The following NFATC1 variants were observed in gnomAD, a reference collection of about 807,000 sequenced individuals.
The protein encoded by NFATC1 is nuclear factor of activated T cells 1.
Under a neutral mutation model 76.0 loss-of-function variants are expected in NFATC1, and 22 were observed. The observed-to-expected ratio is 0.29, with a 90% CI of 0.21 to 0.41. NFATC1 has a LOEUF of 0.41. NFATC1 is among the 10% of genes least tolerant of loss of function. The probability of loss-of-function intolerance (pLI) is 1.00; values close to 1 mark genes in which losing one functional copy is unlikely to be tolerated. For synonymous variants in NFATC1, 704 were observed against 613.1 expected (o/e 1.15, Z -2.19); for missense variants, 1,357 against 1,337.7 (o/e 1.01, Z -0.23).
intron 2 of NFATC1, among the ~76,000 whole-genome samples, chr18:79,423,742 C>T (rs1013113066): frequency 3.9e-5 from 6 of 152,218 alleles, no homozygotes; most frequent in Non-Finnish European, 1.5e-5. Context: ...TCACCTGCTT[C>T]TCATCCACCG....
At chr18:79,418,302 A>G (rs8093850) in intron 2 of NFATC1, among the ~76,000 whole-genome samples, 56,986 of 152,104 alleles carry the variant, frequency 0.37, 11,460 homozygotes, top group African/African-American at 0.52. Flanking sequence ...CTGTGGACGC[A>G]GCTGAGGCCA....
At chr18:79,500,204 A>C (rs547004962) in intron 9 of NFATC1, among the ~76,000 whole-genome samples, 16 of 152,314 alleles carry the variant, frequency 1.1e-4, no homozygotes, top group Middle Eastern at 3.4e-3. Context: ...ATTTCAAAAT[A>C]TTCTGATTGC....
At chr18:79,520,539 GGAGGGT>G (rs2090497671) in intron 9 of NFATC1, among the ~76,000 whole-genome samples, 3 of 147,712 alleles carry the variant, frequency 2.0e-5, no homozygotes, top group East Asian at 2.0e-4. Context: ...TGTGGGGGGG[GGAGGGT>G]GCATCCACCA....
chr18:79,426,659 G>T (rs1224112592), intron 2 of NFATC1, among the ~76,000 whole-genome samples: 1 of 152,256 alleles, frequency 6.6e-6, no homozygotes, highest in Non-Finnish European at 1.5e-5. Context: ...GCCGGGGCGG[G>T]AAGCCCGGAC....
At chr18:79,459,397 C>T (rs527793440) in intron 6 of NFATC1, among the ~76,000 whole-genome samples, 19 of 152,310 alleles carry the variant, frequency 1.2e-4, no homozygotes, top group Middle Eastern at 3.4e-3. Context: ...GCGGGGGAGA[C>T]GGCTGGAGTC....
chr18:79,518,918 T>G (rs1343065416), intron 9 of NFATC1, among the ~76,000 whole-genome samples: 1 of 152,216 alleles, frequency 6.6e-6, no homozygotes, highest in East Asian at 1.9e-4. Context: ...GGAAGTTGTT[T>G]CTCCGTGTGA....
At chr18:79,429,242 GGA>G (rs1181528497) in intron 2 of NFATC1, among the ~76,000 whole-genome samples, 50 of 146,228 alleles carry the variant, frequency 3.4e-4, no homozygotes, top group South Asian at 1.3e-3. Context: ...AAAAAAAAAT[GGA>G]GAGAGAGAGA....
intron 6 of NFATC1, among the ~76,000 whole-genome samples, chr18:79,458,035 T>C (rs939277250): frequency 5.3e-5 from 8 of 152,206 alleles, no homozygotes; most frequent in Admixed American, 6.5e-5. Flanking sequence ...AAAGCCGCCA[T>C]GAACCTCAGT....
At chr18:79,397,969 C>T (rs2085062406) in intron 1 of NFATC1, among the ~76,000 whole-genome samples, 1 of 152,176 alleles carries the variant, frequency 6.6e-6, no homozygotes, top group Non-Finnish European at 1.5e-5. Flanking sequence ...GTGATCTAGT[C>T]CTTGATACAC....
At chr18:79,404,641 A>G (rs1208850942) in intron 1 of NFATC1, among the ~76,000 whole-genome samples, 3 of 152,224 alleles carry the variant, frequency 2.0e-5, no homozygotes, top group Non-Finnish European at 2.9e-5. Flanking sequence ...ATGAAAAATA[A>G]CGTCGTCTGT....
At position 79,410,027 on chromosome 18, in the gene NFATC1, C is replaced by T. The variant is rs1351940979; in HGVS notation, c.128-376C>T. The T allele has an allele frequency of 8.5e-6, 5 of 585,320 alleles. No homozygotes were observed. Among genetic ancestry groups the T allele is most frequent in the Admixed American group, 5.7e-5 (3 of 52,792 alleles). The allele number at this position is 585,320 out of a possible 1,614,324, so 36.3% of individuals were successfully genotyped here. On this transcript the variant is annotated intron_variant, in intron 1 of 9. Transcript: ENST00000427363. This position sits in a 1 kb window ranked among gnomAD's most constrained non-coding sequence, Gnocchi z 6.7. Reference sequence around the variant, plus strand: ...AGAGCGGAACCCGTGAGGACCCAGTCGCCTCTCTCTGGGAAGGACGTTCGG... The same window carrying T: ...AGAGCGGAACCCGTGAGGACCCAGTTGCCTCTCTCTGGGAAGGACGTTCGG...
Position 79,406,914 on chromosome 18 carries a change from C to T in NFATC1, c.128-3489C>T, listed in dbSNP as rs1372784247. On this transcript the variant is annotated intron_variant, in intron 1 of 9. Transcript: ENST00000427363. The stretch of plus-strand genomic sequence containing the variant: ...GGCAGACGTCAGGGCTGGCCTGGCA[C>T]GGTCACCCAGGCGTGTGGGGCGTGG... Among the ~76,000 whole-genome samples, 8 of 152,218 alleles carry T rather than the reference C, an allele frequency of 5.3e-5. No homozygotes were observed. In the East Asian group the frequency reaches 5.8e-4, roughly 11 times the overall value.
chr18:79,522,744 C>T (rs988305828), intron 9 of NFATC1, among the ~76,000 whole-genome samples: 9 of 152,144 alleles, frequency 5.9e-5, no homozygotes. Context: ...AGAGGACGGA[C>T]TCCTGGGGCC....
intron 6 of NFATC1, chr18:79,452,084 G>A (rs2087500426): frequency 3.0e-6 from 1 of 338,496 alleles, no homozygotes; most frequent in Admixed American, 4.9e-5. Flanking sequence ...CTGATACTCA[G>A]GGAGCCCACG....
intron 1 of NFATC1, among the ~76,000 whole-genome samples, chr18:79,399,885 C>T (rs906961236): frequency 2.0e-5 from 3 of 152,280 alleles, no homozygotes; most frequent in East Asian, 1.9e-4. Context: ...TCCCCACTCC[C>T]GGGGCTCCGC....
At chr18:79,500,392 A>G (rs1296846438) in intron 9 of NFATC1, among the ~76,000 whole-genome samples, 2 of 152,164 alleles carry the variant, frequency 1.3e-5, no homozygotes, top group East Asian at 3.8e-4. Flanking sequence ...CAGGTAAGGC[A>G]GTGCTTAGAG....
intron 8 of NFATC1, among the ~76,000 whole-genome samples, chr18:79,475,563 G>A (rs1411670543): frequency 3.3e-5 from 5 of 149,370 alleles, no homozygotes; most frequent in African/African-American, 7.5e-5. Context: ...GTGTTCTCAC[G>A]CTCACTGTCG....
chr18:79,440,138 A>C (rs1008851937), intron 3 of NFATC1, among the ~76,000 whole-genome samples: 1 of 152,190 alleles, frequency 6.6e-6, no homozygotes, highest in Non-Finnish European at 1.5e-5. Flanking sequence ...TACGAGGCGC[A>C]TGAGTGTCCC....
At chr18:79,513,302 C>T (rs1395431864) in intron 9 of NFATC1, among the ~76,000 whole-genome samples, 1 of 152,178 alleles carries the variant, frequency 6.6e-6, no homozygotes, top group Non-Finnish European at 1.5e-5. Flanking sequence ...TGGCAGAGGG[C>T]ACCTTGGCCT....
Sources: allele counts gnomAD v4.1 joint callset (sites outside exome capture counted in the v4.1 genomes callset), GRCh38; gene constraint gnomAD v4.1.1; non-coding constraint Gnocchi (gnomAD v3.1); transcripts MANE v1.5; gene names NCBI Gene and HGNC (gene_info 2026-07-23, HGNC 2026-07-21).